The following INTS3 variants were observed in gnomAD, a reference collection of about 807,000 sequenced individuals.
The protein encoded by INTS3 is SOSS complex subunit A.
Under a neutral mutation model 146.3 loss-of-function variants are expected in INTS3, and 34 were observed. That is an observed-to-expected ratio of 0.23 (90% confidence interval 0.18 to 0.31). The LOEUF (loss-of-function observed/expected upper bound fraction) is 0.31. INTS3 is among the 10% of genes least tolerant of loss of function. INTS3 has a pLI of 1.00. For synonymous variants in INTS3, 475 were observed against 494.9 expected, an observed-to-expected ratio of 0.96 and a Z score of 0.53; for missense variants, 757 against 1,304.2, an observed-to-expected ratio of 0.58 and a Z score of 6.46.
intron 1 of INTS3, among the ~76,000 whole-genome samples, chr1:153,737,795 G>A (rs1440925698): frequency 6.6e-6 from 1 of 152,008 alleles, no homozygotes; most frequent in South Asian, 2.1e-4. Context: ...CACTGTGCCC[G>A]ACCCCTGGTA....
Position 153,752,282 on chromosome 1 carries a change from A to C in INTS3, c.733A>C (p.Met245Leu). Residue 245 changes from methionine (M) to leucine (L), a missense_variant, in exon 8 of 30, where the codon ATG becomes CTG. By Grantham distance (15) the Met-to-Leu change is conservative. Transcript: ENST00000318967. ...FCISLLRERF[M>L]ECLMIGRDLV... The stretch of plus-strand genomic sequence containing the variant: ...CCACTTCCTCTTCCCTATCAAGTTC[A>C]TGGAATGTCTGATGATTGGTCGGGA... The C allele has an allele frequency of 6.2e-7, 1 of 1,613,308 alleles. No homozygotes were observed. The highest frequency in any genetic ancestry group is 8.5e-7 in the Non-Finnish European group (1 of 1,179,526).
Position 153,764,964 on chromosome 1 carries a change from A to C in INTS3, c.1991A>C (p.Glu664Ala). 6.2e-7 allele frequency: 1 copy of C among 1,614,128 alleles called. No individual in the cohort carries two copies. The highest frequency in any genetic ancestry group is 2.2e-5 in the East Asian group (1 of 44,886). Residue 664 changes from glutamate to alanine, a missense_variant, in exon 20 of 30, where the codon GAA becomes GCA. Glu to Ala is a moderately radical substitution (Grantham distance 107). Around this residue, in one of 8 missense-constraint regions of INTS3, gnomAD observed 89 missense variants for 210.9 expected, o/e 0.42. Coordinates refer to ENST00000318967, the MANE Select transcript of INTS3 (RefSeq NM_023015.5). ...LIFRNLCQMQ[E>A]DNSSFSLLLD... ...TCCAGGAACCTATGTCAGATGCAGG[A>C]AGACAACAGCAGCTTCTCTCTACTT... is the stretch of plus-strand genomic sequence containing the variant.
rs1187093901 is a variant in INTS3 at position 153,752,739 on chromosome 1, G to A, written c.859+331G>A. 5.3e-5 allele frequency among the ~76,000 whole-genome samples: 8 copies of A among 152,112 alleles called. No homozygotes were observed. In the East Asian group the frequency reaches 7.7e-4, roughly 15 times the overall value. ...GCCAGTGGCCAGTGTTCAGCTTCAC[G>A]GAGTCTAGCAGGGGAGTCAGAGGTC... On this transcript the variant is annotated intron_variant, in intron 8 of 29. Coordinates refer to ENST00000318967, the MANE Select transcript of INTS3 (RefSeq NM_023015.5).
At position 153,728,240 on chromosome 1, in the gene INTS3, ACTC is replaced by A; in HGVS notation, c.-391_-389del. On this transcript the variant is annotated 5_prime_UTR_variant, in exon 1 of 30. Transcript: ENST00000318967. ...TCCTACCTCCTAATTCAGGGGCAGG[ACTC>A]CTCTTTTCCCCCCACGGGGAAAAGA... is the stretch of plus-strand genomic sequence containing the variant. 5.1e-6 allele frequency: 2 copies of A among 389,130 alleles called. No homozygotes were observed. Among genetic ancestry groups the A allele is most frequent in the South Asian group, 2.5e-4 (2 of 8,080 alleles). 24.1% of individuals were successfully genotyped at this position (389,130 alleles called of 1,614,324 possible). A position where few individuals can be genotyped will look rare whatever the true frequency, so the allele number is the denominator to read the frequency against.
At chr1:153,761,512 A>C in intron 13 of INTS3, 58 bp from the exon 14 acceptor site, 9 of 1,313,568 alleles carry the variant, frequency 6.9e-6, no homozygotes, top group Non-Finnish European at 9.8e-6. Flanking sequence ...CTCTGTCTCA[A>C]AAAAAAATAA....
At chr1:153,737,894 T>G (rs1271482120) in intron 1 of INTS3, among the ~76,000 whole-genome samples, 2 of 152,168 alleles carry the variant, frequency 1.3e-5, no homozygotes, top group African/African-American at 4.8e-5. Context: ...GGGGGGACAT[T>G]TCAAATATAA....
chr1:153,753,055 A>G (rs1672021087), intron 8 of INTS3, among the ~76,000 whole-genome samples: 1 of 151,846 alleles, frequency 6.6e-6, no homozygotes, highest in Non-Finnish European at 1.5e-5. Flanking sequence ...ACACACACAC[A>G]CACACACACA....
chr1:153,769,724 C>T, intron 22 of INTS3, 45 bp from the exon 23 acceptor site: 1 of 1,343,156 alleles, frequency 7.4e-7, no homozygotes, highest in Non-Finnish European at 1.1e-6. Flanking sequence ...CTTCCTGGCC[C>T]CTTTCAGAGC....
chr1:153,746,536 G>A (rs1188944420), intron 3 of INTS3, among the ~76,000 whole-genome samples: 1 of 152,182 alleles, frequency 6.6e-6, no homozygotes, highest in African/African-American at 2.4e-5. Flanking sequence ...GAGCAGCAGG[G>A]ACTACAGGTG....
intron 12 of INTS3, 129 bp downstream of exon 12, chr1:153,760,519 T>G (rs985002095): frequency 1.4e-5 from 10 of 724,150 alleles, no homozygotes; most frequent in Non-Finnish European, 2.1e-5. Flanking sequence ...ATGGGTCCTA[T>G]CCCCCAAGTT....
chr1:153,774,475 G>T lies in INTS3; in HGVS notation c.*1205G>T, dbSNP rs1346156029. On this transcript the variant is annotated 3_prime_UTR_variant, in exon 30 of 30. Transcript: ENST00000318967. ...AGGGACAACTGTACCTGGAGATAAA[G>T]TCTGGATACCAGGGAGGGACAGAGA... 6.6e-6 allele frequency: 1 copy of T among 152,258 alleles called. No individual in the cohort carries two copies. The allele number at this position is 152,258 out of a possible 1,614,324, so 9.4% of individuals were successfully genotyped here.
At position 153,762,780 on chromosome 1, in the gene INTS3, G is replaced by A. The variant is rs774026414; in HGVS notation, c.1569G>A (p.Lys523=). The A allele has an allele frequency of 1.9e-6, 3 of 1,614,196 alleles. No individual in the cohort carries two copies. The highest frequency in any genetic ancestry group is 2.2e-5 in the East Asian group (1 of 44,880). The change falls in exon 15 of 30, where the codon AAG becomes AAA. Residue 523 remains lysine (K), a synonymous_variant. Coordinates refer to ENST00000318967, the MANE Select transcript of INTS3 (RefSeq NM_023015.5). ...AGATGGACAACCATATGTCGGATAAGGATGAGAGTTGCTATGACAATGCAG... is the reference window on the plus strand; with the variant it reads ...AGATGGACAACCATATGTCGGATAAAGATGAGAGTTGCTATGACAATGCAG... ...SMEMDNHMSD[K]DESCYDNAEA... is the part of the protein sequence containing the mutation.
At chr1:153,729,130 A>G (rs1670971101) in intron 1 of INTS3, among the ~76,000 whole-genome samples, 1 of 152,216 alleles carries the variant, frequency 6.6e-6, no homozygotes, top group Non-Finnish European at 1.5e-5. Flanking sequence ...ACTTAGGTCA[A>G]TATATTGAGT....
At chr1:153,744,432 G>A (rs1297199849) in intron 3 of INTS3, among the ~76,000 whole-genome samples, 4 of 152,282 alleles carry the variant, frequency 2.6e-5, no homozygotes, top group Non-Finnish European at 5.9e-5. Context: ...CTCCAGGGGA[G>A]GGTCCAGGAC....
intron 1 of INTS3, among the ~76,000 whole-genome samples, chr1:153,733,244 G>C (rs1184731852): frequency 2.1e-5 from 2 of 97,126 alleles, no homozygotes; most frequent in Admixed American, 3.4e-4. Context: ...ATGCAGTCTT[G>C]CTCTGTCTCC....
At chr1:153,765,087 A>T (rs1349144259) in intron 20 of INTS3, 24 bp downstream of exon 20, 1 of 1,613,830 alleles carries the variant, frequency 6.2e-7, no homozygotes, top group Non-Finnish European at 8.5e-7. Context: ...CCATGTTTCA[A>T]ATGGTGTCAG....
chr1:153,764,541 G>T (rs1251869210), intron 18 of INTS3, 149 bp from the exon 19 acceptor site: 1 of 755,534 alleles, frequency 1.3e-6, no homozygotes, highest in African/African-American at 1.7e-5. Flanking sequence ...TTAGGAACCT[G>T]TTTTCTCTGT....
In INTS3 at chr1:153,773,463, T is replaced by C. The variant is rs986695302; in HGVS notation, c.*193T>C. The C allele has an allele frequency of 2.7e-5, 17 of 619,362 alleles. No individual in the cohort carries two copies. Among genetic ancestry groups the C allele is most frequent in the African/African-American group, 2.6e-4 (14 of 53,888 alleles). 38.4% of individuals were successfully genotyped at this position (619,362 alleles called of 1,614,324 possible). ...ATGCAGCCCCTAGCCCCTTCCCTCC[T>C]CCTGGGGCCTCCAGCCCCTCACACT... On this transcript the variant is annotated 3_prime_UTR_variant, in exon 30 of 30. Coordinates refer to ENST00000318967, the MANE Select transcript of INTS3 (RefSeq NM_023015.5).
intron 13 of INTS3, chr1:153,761,183 C>A: frequency 1.3e-6 from 1 of 796,066 alleles, no homozygotes; most frequent in Non-Finnish European, 1.9e-6. Flanking sequence ...ACTGATTGTG[C>A]TTAGACCTAT....
Sources: allele counts gnomAD v4.1 joint callset (sites outside exome capture counted in the v4.1 genomes callset), GRCh38; gene constraint gnomAD v4.1.1; regional missense constraint gnomAD v4.1.1; transcripts MANE v1.5; gene names NCBI Gene and HGNC (gene_info 2026-07-23, HGNC 2026-07-21).